The following RBFOX2 variants were observed in gnomAD, a reference collection of about 807,000 sequenced individuals.
The protein encoded by RBFOX2 is RNA binding fox-1 homolog 2, also known as RNA binding protein fox-1 homolog 2.
In RBFOX2, 10 loss-of-function variants were observed where a neutral mutation model predicts 49.1. That is an observed-to-expected ratio of 0.20 (90% CI 0.13 to 0.35). The LOEUF is 0.35. Among genes scored for constraint, RBFOX2 ranks in the 10% least tolerant of loss-of-function variants. The pLI, the probability that RBFOX2 is intolerant of heterozygous loss-of-function variation, is 1.00. For synonymous variants in RBFOX2, 183 were observed against 187.4 expected, an observed-to-expected ratio of 0.98 and a Z score of 0.19; for missense variants, 323 against 486.9, an observed-to-expected ratio of 0.66 and a Z score of 3.17.
rs57884519 is a variant in RBFOX2 at position 35,999,838 on chromosome 22, G to A, written c.186+28402C>T. Reference sequence around the variant, plus strand: ...ACAAATCCTAGCTCGAGGTTTCACAGACGACATGTATCCAAAGACAGAAAC... The same window carrying A: ...ACAAATCCTAGCTCGAGGTTTCACAAACGACATGTATCCAAAGACAGAAAC... On this transcript the variant is annotated intron_variant, in intron 1 of 13. Coordinates refer to the RBFOX2 transcript ENST00000438146. 3.3e-5 allele frequency: 5 copies of A among 152,112 alleles called. No homozygotes were observed. In the East Asian group the frequency reaches 9.6e-4, roughly 29 times the overall value. 9.4% of individuals were successfully genotyped at this position (152,112 alleles called of 1,614,324 possible). A position where few individuals can be genotyped will look rare whatever the true frequency, so the allele number is the denominator to read the frequency against.
At chr22:35,846,177 A>G (rs956016513) in intron 1 of RBFOX2, among the ~76,000 whole-genome samples, 12 of 149,932 alleles carry the variant, frequency 8.0e-5, no homozygotes, top group South Asian at 2.1e-4. Flanking sequence ...ATAATTATAA[A>G]CTTGCATATG....
intron 4 of RBFOX2, among the ~76,000 whole-genome samples, chr22:35,777,256 C>T (rs1032999200): frequency 5.9e-5 from 9 of 152,184 alleles, no homozygotes; most frequent in Admixed American, 6.5e-5. Flanking sequence ...AGGTGATCCG[C>T]CCGCCTCAGC....
At chr22:35,901,681 C>T (rs761606717) in intron 1 of RBFOX2, among the ~76,000 whole-genome samples, 5 of 152,094 alleles carry the variant, frequency 3.3e-5, no homozygotes, top group South Asian at 4.1e-4. Context: ...ATGGAGAAAG[C>T]GGTCCATCTC....
chr22:35,917,174 C>A (rs2050521725), intron 1 of RBFOX2, among the ~76,000 whole-genome samples: 1 of 152,184 alleles, frequency 6.6e-6, no homozygotes, highest in African/African-American at 2.4e-5. Flanking sequence ...GATACAACTT[C>A]TCCCTAAAAA....
At chr22:36,028,385 C>T in exon 1 of RBFOX2, 1 of 1,313,530 alleles carries the variant, frequency 7.6e-7, no homozygotes, top group Non-Finnish European at 9.7e-7. Flanking sequence ...GGCGCCGGGC[C>T]CGAGCTGAGG....
chr22:35,939,390 C>T (rs969744767), upstream of RBFOX2, among the ~76,000 whole-genome samples: 1 of 152,104 alleles, frequency 6.6e-6, no homozygotes, highest in Non-Finnish European at 1.5e-5. Flanking sequence ...TTTAGGTCTT[C>T]GTCTCTATCA....
intron 1 of RBFOX2, among the ~76,000 whole-genome samples, chr22:35,826,583 T>TC (rs1237582470): frequency 3.3e-5 from 5 of 150,950 alleles, no homozygotes; most frequent in Non-Finnish European, 5.9e-5. Flanking sequence ...TAAACAAACC[T>TC]CCCCCCCTGC....
At chr22:35,968,258 T>C (rs568961756) in intron 1 of RBFOX2, among the ~76,000 whole-genome samples, 157 of 152,334 alleles carry the variant, frequency 1.0e-3, no homozygotes, top group Non-Finnish European at 1.9e-3. Flanking sequence ...AGGGAAGGGA[T>C]AGTCATTCAA....
At chr22:35,840,135 C>G (rs1312184164) in intron 1 of RBFOX2, 4 of 1,588,304 alleles carry the variant, frequency 2.5e-6, no homozygotes, top group Non-Finnish European at 3.5e-6. Flanking sequence ...ACCCTCAAAC[C>G]TTTATTTAGA....
chr22:35,917,721 G>A (rs545271051), intron 1 of RBFOX2, among the ~76,000 whole-genome samples: 1 of 152,282 alleles, frequency 6.6e-6, no homozygotes, highest in African/African-American at 2.4e-5. Context: ...TAAGTCAGTG[G>A]CGTGCAAACT....
At chr22:35,935,968 CTT>C (rs1457027385) in intron 1 of RBFOX2, among the ~76,000 whole-genome samples, 8 of 152,092 alleles carry the variant, frequency 5.3e-5, no homozygotes, top group Non-Finnish European at 1.0e-4. Context: ...AGAGTTATCT[CTT>C]TTTAAATCAC....
chr22:36,014,222 C>T (rs1171978287), intron 1 of RBFOX2, among the ~76,000 whole-genome samples: 1 of 151,650 alleles, frequency 6.6e-6, no homozygotes. Context: ...CCTGGGTTCA[C>T]GCCATTCTCC....
chr22:35,918,763 G>C (rs759475788), intron 1 of RBFOX2, among the ~76,000 whole-genome samples: 4 of 152,052 alleles, frequency 2.6e-5, no homozygotes, highest in Admixed American at 6.5e-5. Flanking sequence ...GCACGTGTTC[G>C]GGTCAAAAGA....
intron 1 of RBFOX2, among the ~76,000 whole-genome samples, chr22:35,988,531 GGTTTA>G (rs1168191771): frequency 6.6e-6 from 1 of 151,952 alleles, no homozygotes; most frequent in Non-Finnish European, 1.5e-5. Context: ...GATTCCCAAA[GGTTTA>G]TTAAGACCAA....
chr22:35,804,454 A>T (rs1248930861), intron 2 of RBFOX2, among the ~76,000 whole-genome samples: 1 of 152,238 alleles, frequency 6.6e-6, no homozygotes, highest in Non-Finnish European at 1.5e-5. Context: ...CATCATAGAG[A>T]AACGGCTCAA....
At chr22:35,872,214 C>T (rs187956832) in intron 1 of RBFOX2, among the ~76,000 whole-genome samples, 10 of 152,222 alleles carry the variant, frequency 6.6e-5, no homozygotes, top group Admixed American at 6.5e-4. Flanking sequence ...TCTCTTGTTC[C>T]CCCTTGCTTC....
intron 1 of RBFOX2, among the ~76,000 whole-genome samples, chr22:35,859,894 T>C (rs1456659007): frequency 6.6e-6 from 1 of 152,114 alleles, no homozygotes; most frequent in African/African-American, 2.4e-5. Flanking sequence ...TACAAGACAA[T>C]ATATAAAGGT....
At position 35,973,053 on chromosome 22, in the gene RBFOX2, C is replaced by CA. The variant is rs908689403; in HGVS notation, c.187-34157dup. On this transcript the variant is annotated intron_variant, in intron 1 of 13. Transcript: ENST00000438146. ...CGATCAAGAAGGCCAGAGTCAAATA[C>CA]AAAAAAAGAACAGAAACTGCCCTAT... Among the ~76,000 whole-genome samples the CA allele has an allele frequency of 2.6e-5, 4 of 152,016 alleles. 1 individual carries two copies. Among genetic ancestry groups the CA allele is most frequent in the Admixed American group, 2.6e-4 (4 of 15,274 alleles).
intron 2 of RBFOX2, among the ~76,000 whole-genome samples, chr22:35,784,698 G>T (rs1945998585): frequency 1.3e-5 from 2 of 152,258 alleles, no homozygotes; most frequent in African/African-American, 4.8e-5. Context: ...ACCAAGTCCT[G>T]CAGGTTCTTG....
Sources: allele counts gnomAD v4.1 joint callset (sites outside exome capture counted in the v4.1 genomes callset), GRCh38; gene constraint gnomAD v4.1.1; transcripts MANE v1.5; gene names NCBI Gene and HGNC (gene_info 2026-07-23, HGNC 2026-07-21).